Variants in PLCB2 observed in about 807,000 individuals in gnomAD.
PLCB2 encodes the protein 1-phosphatidylinositol 4,5-bisphosphate phosphodiesterase beta-2.
In PLCB2, 115 loss-of-function variants were observed where a neutral mutation model predicts 141.7. That is an observed-to-expected ratio of 0.81 (90% CI 0.70 to 0.95). The LOEUF is 0.95. Among genes scored for constraint, PLCB2 ranks in the 40% least tolerant of loss-of-function variants. The pLI is 0.00. For missense variants in PLCB2, 1,403 were observed against 1,541.1 expected (o/e 0.91, Z 1.50); for synonymous variants, 603 against 595.6 (o/e 1.01, Z -0.18).
chr15:40,307,865 C>G lies in PLCB2; in HGVS notation c.-193G>C. ...TGCAGGACTGAGCTGTAGCCAGAGG[C>G]CCATCTGCCTTGTAAATCACCCTCC... On this transcript the variant is annotated 5_prime_UTR_variant, in exon 1 of 32. Coordinates refer to ENST00000260402, the MANE Select transcript of PLCB2 (RefSeq NM_004573.3). 2.5e-6 allele frequency: 1 copy of G among 404,512 alleles called. No individual in the cohort carries two copies. The highest frequency in any genetic ancestry group is 4.4e-6 in the Non-Finnish European group (1 of 228,722). The allele number at this position is 404,512 out of a possible 1,614,324, so 25.1% of individuals were successfully genotyped here.
intron 21 of PLCB2, 63 bp downstream of exon 21, chr15:40,292,863 G>GC: frequency 9.2e-7 from 1 of 1,086,184 alleles, no homozygotes; most frequent in Non-Finnish European, 1.4e-6. Context: ...CCCAGAAGCT[G>GC]CCCCACCCTG....
intron 30 of PLCB2, chr15:40,289,708 G>A: frequency 1.9e-6 from 1 of 515,262 alleles, no homozygotes; most frequent in East Asian, 3.5e-5. Context: ...ACCCTCGCCA[G>A]TCCCAGCCTC....
intron 25 of PLCB2, 44 bp from the exon 26 acceptor site, chr15:40,291,531 G>T: frequency 6.2e-7 from 1 of 1,604,904 alleles, no homozygotes. Flanking sequence ...AGGCCGTCCT[G>T]CCCGTCCAAC....
At position 40,307,579 on chromosome 15, in the gene PLCB2, C is replaced by G; in HGVS notation, c.84+10G>C. The G allele has an allele frequency of 6.4e-7, 1 of 1,553,224 alleles. No individual in the cohort carries two copies. Among genetic ancestry groups the G allele is most frequent in the South Asian group, 1.2e-5 (1 of 85,550 alleles). ...GGTGCTCCAGCAGCTGAGGCCCCTG[C>G]CCCACTTACATCATCCCATTTGATG... On this transcript the variant is annotated intron_variant, in intron 1 of 31. Coordinates refer to ENST00000260402, the MANE Select transcript of PLCB2 (RefSeq NM_004573.3).
chr15:40,302,564 T>C lies in PLCB2; in HGVS notation c.277A>G (p.Ser93Gly). 1 of 1,614,168 alleles carries C rather than the reference T, an allele frequency of 6.2e-7. No homozygotes were observed. Among genetic ancestry groups the C allele is most frequent in the East Asian group, 2.2e-5 (1 of 44,876 alleles). Residue 93 changes from serine to glycine, a missense_variant, in exon 4 of 32, where the codon AGT (serine) becomes GGT (glycine). Around this residue, in one of 4 missense-constraint regions of PLCB2, gnomAD observed 975 missense variants for 1,141.1 expected, o/e 0.85. Coordinates refer to ENST00000260402, the MANE Select transcript of PLCB2 (RefSeq NM_004573.3). ...DVFNMDFPDNSFLLKTLTVVS... is the reference protein window; with the variant it reads ...DVFNMDFPDNGFLLKTLTVVS... ...ACCGTGAGTGTCTTCAGCAGGAAAC[T>C]GTTATCAGGAAAGTCCATGTTGAAG...
Position 40,295,037 on chromosome 15 carries a change from C to T in PLCB2, c.1805G>A (p.Arg602His), listed in dbSNP as rs2040132297. ...CATGCGGGTTCCCTTGGGGTAAATGCGGCTCATCTGGCGCTTGTTGTAGCT... is the reference window on the plus strand; with the variant it reads ...CATGCGGGTTCCCTTGGGGTAAATGTGGCTCATCTGGCGCTTGTTGTAGCT... ...FVDYNKRQMS[R>H]IYPKGTRMDS... is the part of the protein sequence containing the mutation. Residue 602 changes from arginine to histidine, a missense_variant, in exon 18 of 32, where the codon CGC (arginine) becomes CAC (histidine). Physicochemically the swap from Arg to His is conservative, Grantham distance 29 (BLOSUM62 0). This residue lies in a region of PLCB2 where 975 missense variants were observed against 1,141.1 expected (regional missense o/e 0.85). Coordinates refer to ENST00000260402, the MANE Select transcript of PLCB2 (RefSeq NM_004573.3). The T allele has an allele frequency of 3.7e-6, 6 of 1,613,170 alleles. No individual in the cohort carries two copies. Among genetic ancestry groups the T allele is most frequent in the African/African-American group, 1.3e-5 (1 of 74,880 alleles).
In PLCB2 at chr15:40,299,309, G is replaced by T. The variant is rs900339534; in HGVS notation, c.583-81C>A. Reference sequence around the variant, plus strand: ...ACAAACTCGGCCCAGCCCTGGTCAAGGGGACCTGGTCAGAAGGCGGGCTCA... The same window carrying T: ...ACAAACTCGGCCCAGCCCTGGTCAATGGGACCTGGTCAGAAGGCGGGCTCA... On this transcript the variant is annotated intron_variant, in intron 7 of 31. Coordinates refer to ENST00000260402, the MANE Select transcript of PLCB2 (RefSeq NM_004573.3). 4.3e-6 allele frequency: 4 copies of T among 927,134 alleles called. No individual in the cohort carries two copies. The African/African-American group carries it at 6.5e-5, about 15-fold the overall frequency. The allele number at this position is 927,134 out of a possible 1,614,324, so 57.4% of individuals were successfully genotyped here.
chr15:40,290,906 T>G (rs117658605), intron 27 of PLCB2, 69 bp from the exon 28 acceptor site: 271,134 of 954,652 alleles, frequency 0.28, 37,794 homozygotes, highest in East Asian at 0.7. Context: ...GGGGCGGGGG[T>G]CGGTGGAGGG....
intron 31 of PLCB2, 44 bp from the exon 32 acceptor site, chr15:40,288,962 G>A (rs1314163175): frequency 1.2e-6 from 2 of 1,603,370 alleles, no homozygotes; most frequent in African/African-American, 2.7e-5. Context: ...GGAGGGGCCT[G>A]CTGGCCACCC....
Position 40,297,312 on chromosome 15 carries a change from C to CAT in PLCB2, c.1323+208_1323+209insAT, listed in dbSNP as rs2040273957. Among the ~76,000 whole-genome samples, 1 of 123,292 alleles carries CAT rather than the reference C, an allele frequency of 8.1e-6. No individual in the cohort carries two copies. Among genetic ancestry groups the CAT allele is most frequent in the Non-Finnish European group, 1.7e-5 (1 of 58,120 alleles). The allele number at this position is 123,292 out of a possible 152,430, so 80.9% of individuals were successfully genotyped here. On this transcript the variant is annotated intron_variant, in intron 13 of 31. Coordinates refer to ENST00000260402, the MANE Select transcript of PLCB2 (RefSeq NM_004573.3). The surrounding 1 kb of genome is among the most constrained non-coding windows in gnomAD (Gnocchi z 4.2). ...TGTCTCCTCACTAGAGGGTAATACA[C>CAT]CTGAGGGCAGTGACTGTGTCTTTGT... is the stretch of plus-strand genomic sequence containing the variant.
Position 40,297,205 on chromosome 15 carries a change from T to C in PLCB2, c.1324-297A>G, listed in dbSNP as rs535131003. Among the ~76,000 whole-genome samples, 241 of 152,110 alleles carry C rather than the reference T, an allele frequency of 1.6e-3. 2 individuals carry two copies. The highest frequency in any genetic ancestry group is 3.1e-3 in the Admixed American group (47 of 15,280). On this transcript the variant is annotated intron_variant, in intron 13 of 31. Coordinates refer to ENST00000260402, the MANE Select transcript of PLCB2 (RefSeq NM_004573.3). The surrounding 1 kb of genome is among the most constrained non-coding windows in gnomAD (Gnocchi z 4.2). ...TGTCCATCACTTCCTCCAGGAAGCC[T>C]TCCCTGATCCCCAAGACCAGATCAG...
At chr15:40,287,347 C>A (rs908710517), downstream of PLCB2, among the ~76,000 whole-genome samples, 1 of 152,138 alleles carries the variant, frequency 6.6e-6, no homozygotes, top group South Asian at 2.1e-4. Flanking sequence ...TCACAGCTAA[C>A]GGCATGTGCT....
chr15:40,305,697 A>T (rs931492506), intron 1 of PLCB2, among the ~76,000 whole-genome samples: 2 of 152,220 alleles, frequency 1.3e-5, no homozygotes, highest in Non-Finnish European at 2.9e-5. Context: ...TCTCCCAAGA[A>T]TCCTCAAAAA....
At position 40,304,021 on chromosome 15, in the gene PLCB2, A is replaced by C. The variant is rs148503632; in HGVS notation, c.142T>G (p.Tyr48Asp). 1 of 1,596,086 alleles carries C rather than the reference A, an allele frequency of 6.3e-7. No homozygotes were observed. Among genetic ancestry groups the C allele is most frequent in the Non-Finnish European group, 8.5e-7 (1 of 1,171,046 alleles). ...LRVDPKGYYL[Y>D]WTYQSKEMEF... is the part of the protein sequence containing the mutation. ...CTCACCTTACTTTGATACGTCCAGT[A>C]TAAGTAGTAGCCCTTAGGATCCACA... Residue 48 changes from tyrosine to aspartate, a missense_variant, in exon 2 of 32, where the codon TAC becomes GAC. By Grantham distance (160) the Tyr-to-Asp change is radical. Around this residue, in one of 4 missense-constraint regions of PLCB2, gnomAD observed 975 missense variants for 1,141.1 expected, o/e 0.85. Transcript: ENST00000260402.
intron 20 of PLCB2, 46 bp from the exon 21 acceptor site, chr15:40,293,071 C>A: frequency 8.5e-7 from 1 of 1,178,186 alleles, no homozygotes; most frequent in Non-Finnish European, 1.2e-6. Context: ...GAGAGAGGAG[C>A]CAAGCTGACC....
At chr15:40,286,997 CCAGTGGGCT>C (rs1254417516), downstream of PLCB2, among the ~76,000 whole-genome samples, 1 of 152,208 alleles carries the variant, frequency 6.6e-6, no homozygotes, top group Non-Finnish European at 1.5e-5. Context: ...TGGGGGCTGC[CCAGTGGGCT>C]CCATTGGGCT....
In PLCB2 at chr15:40,291,065, C is replaced by T; in HGVS notation, c.2989G>A (p.Glu997Lys). 4 of 1,590,510 alleles carry T rather than the reference C, an allele frequency of 2.5e-6. No homozygotes were observed. Among genetic ancestry groups the T allele is most frequent in the Non-Finnish European group, 2.6e-6 (3 of 1,176,198 alleles). The change falls in exon 27 of 32, where the codon GAG (glutamate) becomes AAG (lysine). Residue 997 changes from glutamate to lysine, a missense_variant. Around this residue, in one of 4 missense-constraint regions of PLCB2, gnomAD observed 290 missense variants for 245.9 expected, o/e 1.18. Transcript: ENST00000260402. ...CGCTTCAGAACGCACTCGTACTGCT[C>T]CTCGCCCTGCCGCAGCAGCTCCAGC... ...LELELLRQGE[E>K]QYECVLKRKE...
chr15:40,305,139 G>A (rs181016041), intron 1 of PLCB2, among the ~76,000 whole-genome samples: 1 of 151,944 alleles, frequency 6.6e-6, no homozygotes, highest in East Asian at 1.9e-4. Flanking sequence ...AGCCTAGTGA[G>A]GGGTTTCAAC....
chr15:40,303,119 G>C (rs2040605980), intron 3 of PLCB2, among the ~76,000 whole-genome samples, 169 bp downstream of exon 3: 1 of 152,182 alleles, frequency 6.6e-6, no homozygotes, highest in Non-Finnish European at 1.5e-5. Context: ...GCGAGCCCAG[G>C]AGCTGCCGCT....
Sources: allele counts gnomAD v4.1 joint callset (sites outside exome capture counted in the v4.1 genomes callset), GRCh38; gene constraint gnomAD v4.1.1; regional missense constraint gnomAD v4.1.1; non-coding constraint Gnocchi (gnomAD v3.1); transcripts MANE v1.5; gene names NCBI Gene and HGNC (gene_info 2026-07-23, HGNC 2026-07-21).